OSTN: variants seen among roughly 807,000 people sequenced by gnomAD.
OSTN encodes the protein osteocrin.
A neutral mutation model predicts 12.0 loss-of-function variants in OSTN; 9 were observed. That is an observed-to-expected ratio of 0.75 (90% CI 0.45 to 1.30). The LOEUF (loss-of-function observed/expected upper bound fraction) is 1.30. Among genes scored for constraint, OSTN ranks in the 50% most tolerant of loss-of-function variants. OSTN has a pLI of 0.00. For missense variants in OSTN, 148 were observed against 152.3 expected, an observed-to-expected ratio of 0.97 and a Z score of 0.15; for synonymous variants, 59 against 56.9, an observed-to-expected ratio of 1.04 and a Z score of -0.16.
intron 3 of OSTN, among the ~76,000 whole-genome samples, chr3:191,240,255 G>A (rs1375577305): frequency 6.6e-6 from 1 of 152,140 alleles, no homozygotes; most frequent in East Asian, 1.9e-4. Context: ...AAGTCCTTCA[G>A]CTTGGTCTGT....
At chr3:191,199,591 ATGT>A (rs1485793657) in intron 1 of OSTN, among the ~76,000 whole-genome samples, 1 of 152,120 alleles carries the variant, frequency 6.6e-6, no homozygotes, top group African/African-American at 2.4e-5. Flanking sequence ...ATACATATAT[ATGT>A]TATTAGCGTT....
rs148417658 is a variant in OSTN, at chr3:191,218,899, T to G, written c.255T>G (p.Ser85=). The change falls in exon 3 of 5, where the codon TCT becomes TCG. Residue 85 remains serine (S), a synonymous_variant. Transcript: ENST00000682035. ...VIETKKKRSF[S]GFGSPLDRLS... ...AGACAAAGAAGAAAAGGAGTTTCTC[T>G]GGTTTTGGGTCTCCCCTTGACAGAC... 2 of 1,614,012 alleles carry G rather than the reference T, an allele frequency of 1.2e-6. No individual in the cohort carries two copies. The highest frequency in any genetic ancestry group is 2.7e-5 in the African/African-American group (2 of 74,920).
intron 3 of OSTN, among the ~76,000 whole-genome samples, chr3:191,246,726 G>T (rs968530108): frequency 6.7e-6 from 1 of 150,058 alleles, no homozygotes; most frequent in Non-Finnish European, 1.5e-5. Flanking sequence ...GGAAGAAGAA[G>T]AAGAAGGAGG....
At chr3:191,253,905 T>TG (rs1182579315) in intron 4 of OSTN, among the ~76,000 whole-genome samples, 2 of 152,228 alleles carry the variant, frequency 1.3e-5, no homozygotes, top group Admixed American at 1.3e-4. Context: ...ATCCCCACTT[T>TG]GAAACTTAAA....
chr3:191,259,858 T>TA, intron 4 of OSTN, among the ~76,000 whole-genome samples: 1 of 149,982 alleles, frequency 6.7e-6, no homozygotes, highest in Non-Finnish European at 1.5e-5. Flanking sequence ...CCTTCTTTTT[T>TA]TTTTTTTTTT....
chr3:191,259,521 C>T (rs1197028331), intron 4 of OSTN, among the ~76,000 whole-genome samples: 1 of 151,098 alleles, frequency 6.6e-6, no homozygotes, highest in African/African-American at 2.4e-5. Flanking sequence ...AACCAAAATA[C>T]ACTCCCTGGT....
intron 2 of OSTN, 36 bp from the exon 3 acceptor site, chr3:191,218,711 T>A (rs1182500993): frequency 6.4e-7 from 1 of 1,564,816 alleles, no homozygotes; most frequent in Non-Finnish European, 8.8e-7. Context: ...AGTCTCTTTG[T>A]CTAAATTAAC....
At chr3:191,261,768 T>G (rs1359251809) in intron 4 of OSTN, among the ~76,000 whole-genome samples, 2 of 152,236 alleles carry the variant, frequency 1.3e-5, no homozygotes, top group African/African-American at 4.8e-5. Context: ...CATTAATATA[T>G]TGTACCAAAG....
chr3:191,202,729 A>G (rs1264307615), intron 1 of OSTN, among the ~76,000 whole-genome samples: 3 of 152,176 alleles, frequency 2.0e-5, no homozygotes, highest in African/African-American at 4.8e-5. Flanking sequence ...AATGCTGCGT[A>G]AAAAGTTGCC....
chr3:191,253,340 A>G (rs185168191), intron 4 of OSTN, among the ~76,000 whole-genome samples: 2 of 152,310 alleles, frequency 1.3e-5, no homozygotes, highest in African/African-American at 2.4e-5. Flanking sequence ...GAAGTCTGGA[A>G]CAGCTGCTCT....
chr3:191,232,952 A>C (rs1381590598), intron 3 of OSTN, among the ~76,000 whole-genome samples: 5 of 151,834 alleles, frequency 3.3e-5, no homozygotes, highest in Non-Finnish European at 7.4e-5. Flanking sequence ...AATGGAACTA[A>C]AGATGTAACC....
intron 1 of OSTN, among the ~76,000 whole-genome samples, chr3:191,204,715 TG>T (rs1714229547): frequency 6.6e-6 from 1 of 152,240 alleles, no homozygotes; most frequent in Non-Finnish European, 1.5e-5. Context: ...TTTAAAACTT[TG>T]TTCAAATATT....
chr3:191,259,661 G>T (rs572421992), intron 4 of OSTN, among the ~76,000 whole-genome samples: 1 of 151,894 alleles, frequency 6.6e-6, no homozygotes, highest in South Asian at 2.1e-4. Flanking sequence ...CCCCTGACTG[G>T]GTATCAAAGC....
chr3:191,249,210 G>A (rs1013324908), intron 3 of OSTN, among the ~76,000 whole-genome samples: 5 of 152,100 alleles, frequency 3.3e-5, no homozygotes, highest in African/African-American at 1.2e-4. Context: ...TCTTCATAAA[G>A]ATTCACACTT....
chr3:191,208,974 A>G (rs1302682853), intron 1 of OSTN, among the ~76,000 whole-genome samples: 1 of 152,128 alleles, frequency 6.6e-6, no homozygotes, highest in African/African-American at 2.4e-5. Context: ...CCTGGTCAAC[A>G]TAGAGAAACT....
intron 3 of OSTN, among the ~76,000 whole-genome samples, chr3:191,231,028 TA>T (rs1273118664): frequency 6.6e-6 from 1 of 152,216 alleles, no homozygotes; most frequent in Non-Finnish European, 1.5e-5. Context: ...TCTATATTTT[TA>T]TTTTTTATAG....
intron 1 of OSTN, among the ~76,000 whole-genome samples, chr3:191,202,751 C>T (rs548858620): frequency 3.3e-5 from 5 of 152,288 alleles, no homozygotes; most frequent in Non-Finnish European, 4.4e-5. Context: ...ATGTATGGAA[C>T]GGCCAGCCGA....
intron 3 of OSTN, chr3:191,228,807 A>G (rs1714977626): frequency 6.6e-6 from 1 of 152,232 alleles, no homozygotes; most frequent in African/African-American, 2.4e-5. Context: ...AAATTGTGGA[A>G]TTAGTAAACG....
At chr3:191,199,480 T>A (rs1216105450) in intron 1 of OSTN, among the ~76,000 whole-genome samples, 173 bp downstream of exon 1, 2 of 152,216 alleles carry the variant, frequency 1.3e-5, no homozygotes, top group East Asian at 3.9e-4. Flanking sequence ...AATGCAAACT[T>A]AAGGTAGAAC....
Sources: gnomAD v4.1 joint callset for allele counts (sites outside exome capture counted in the v4.1 genomes callset) on GRCh38, gnomAD v4.1.1 for gene constraint, MANE v1.5 for transcripts, NCBI Gene and HGNC (gene_info 2026-07-23, HGNC 2026-07-21) for gene names.